PTPN22: variants seen among roughly 807,000 people sequenced by gnomAD.
The protein encoded by PTPN22 is protein tyrosine phosphatase non-receptor type 22, also known as tyrosine-protein phosphatase non-receptor type 22.
PTPN22 carries 85 observed loss-of-function variants against 103.3 expected under a neutral mutation model. The observed-to-expected ratio is 0.82, with a 90% CI of 0.69 to 0.99. The LOEUF is 0.99. Ranked by LOEUF, PTPN22 falls within the 50% of genes least tolerant of loss-of-function variation. PTPN22 has a pLI of 0.00. For missense variants in PTPN22, 865 were observed against 936.9 expected (o/e 0.92, Z 1.00); for synonymous variants, 323 against 310.2 (o/e 1.04, Z -0.43).
exon 11 of PTPN22, chr1:113,848,545 T>C: frequency 2.5e-6 from 4 of 1,613,044 alleles, no homozygotes; most frequent in Non-Finnish European, 2.5e-6. Flanking sequence ...TTTACCTCTG[T>C]TCCAGAATGT....
intron 20 of PTPN22, among the ~76,000 whole-genome samples, chr1:113,816,698 C>T (rs1205744847): frequency 6.6e-6 from 1 of 151,566 alleles, no homozygotes; most frequent in African/African-American, 2.4e-5. Context: ...CACCTGAGGT[C>T]AGGAGTTCAA....
intron 18 of PTPN22, among the ~76,000 whole-genome samples, chr1:113,825,551 T>A (rs572251219): frequency 2.0e-3 from 309 of 152,056 alleles, no homozygotes; most frequent in Non-Finnish European, 3.8e-3. Flanking sequence ...GTAAAAAAAA[T>A]ATTAGCTGAA....
intron 1 of PTPN22, among the ~76,000 whole-genome samples, chr1:113,868,952 G>C (rs1666341299): frequency 6.6e-6 from 1 of 152,112 alleles, no homozygotes; most frequent in Non-Finnish European, 1.5e-5. Context: ...GGCTGGGCGT[G>C]GTGGCTCATG....
At chr1:113,846,653 G>T (rs534653374) in intron 11 of PTPN22, among the ~76,000 whole-genome samples, 38 of 152,208 alleles carry the variant, frequency 2.5e-4, no homozygotes, top group African/African-American at 8.7e-4. Context: ...ACTGGTAACA[G>T]ATTATCTTAG....
intron 13 of PTPN22, among the ~76,000 whole-genome samples, chr1:113,837,017 A>C (rs536092771): frequency 1.2e-3 from 189 of 152,306 alleles, no homozygotes; most frequent in African/African-American, 4.1e-3. Context: ...TCCTGCTGGT[A>C]CAGATCCTGT....
chr1:113,830,757 T>C (rs528792310), intron 16 of PTPN22, among the ~76,000 whole-genome samples: 1 of 152,308 alleles, frequency 6.6e-6, no homozygotes, highest in East Asian at 1.9e-4. Flanking sequence ...TTTCCCATGA[T>C]GTAAATTTCT....
chr1:113,864,483 G>A (rs760349827), intron 1 of PTPN22: 6 of 295,830 alleles, frequency 2.0e-5, no homozygotes, highest in East Asian at 1.2e-4. Flanking sequence ...ATTATTAGTC[G>A]GGCATGGTGG....
At chr1:113,856,321 C>A in intron 7 of PTPN22, 61 bp downstream of exon 7, 1 of 1,496,298 alleles carries the variant, frequency 6.7e-7, no homozygotes. Context: ...CTACACACAT[C>A]TATATTTACT....
chr1:113,870,711 T>C (rs950393135), intron 1 of PTPN22, among the ~76,000 whole-genome samples: 2 of 152,074 alleles, frequency 1.3e-5, no homozygotes, highest in African/African-American at 4.8e-5. Context: ...AATATATTTT[T>C]CATATGAAAA....
At chr1:113,868,098 T>A (rs1417902471) in intron 1 of PTPN22, among the ~76,000 whole-genome samples, 1 of 152,252 alleles carries the variant, frequency 6.6e-6, no homozygotes, top group African/African-American at 2.4e-5. Context: ...TTGGTATTTT[T>A]TTCAAATATT....
At chr1:113,858,205 A>G (rs1295188306) in intron 4 of PTPN22, among the ~76,000 whole-genome samples, 1 of 152,056 alleles carries the variant, frequency 6.6e-6, no homozygotes, top group Non-Finnish European at 1.5e-5. Context: ...CTACAGGCAC[A>G]CACCACCACT....
intron 20 of PTPN22, among the ~76,000 whole-genome samples, chr1:113,816,635 G>A (rs532247910): frequency 1.2e-4 from 18 of 151,938 alleles, no homozygotes; most frequent in Non-Finnish European, 2.1e-4. Context: ...GAAGCCAGGC[G>A]TGGTGGCTCA....
At chr1:113,825,033 G>A in intron 19 of PTPN22, 109 bp downstream of exon 19, 1 of 750,712 alleles carries the variant, frequency 1.3e-6, no homozygotes. Flanking sequence ...CCCTATGGAG[G>A]CTCTGTTTAG....
chr1:113,830,277 G>T (rs1207710144), intron 16 of PTPN22, among the ~76,000 whole-genome samples: 1 of 151,982 alleles, frequency 6.6e-6, no homozygotes, highest in Non-Finnish European at 1.5e-5. Context: ...CACTGAAACC[G>T]AATATAATCA....
At chr1:113,837,268 G>T (rs1196107347) in intron 13 of PTPN22, among the ~76,000 whole-genome samples, 1 of 151,888 alleles carries the variant, frequency 6.6e-6, no homozygotes, top group African/African-American at 2.4e-5. Context: ...TGGCCAACAT[G>T]GTGAAACTCC....
intron 10 of PTPN22, among the ~76,000 whole-genome samples, chr1:113,849,669 C>T (rs532465787): frequency 1.3e-5 from 2 of 151,556 alleles, no homozygotes; most frequent in African/African-American, 4.9e-5. Context: ...CTTACTGCAG[C>T]CTCGACCTCC....
At chr1:113,855,125 C>T in intron 7 of PTPN22, 76 bp from the exon 8 acceptor site, 1 of 1,312,328 alleles carries the variant, frequency 7.6e-7, no homozygotes, top group Non-Finnish European at 1.1e-6. Flanking sequence ...ATGCTCACTA[C>T]CTGGGTGATG....
intron 1 of PTPN22, among the ~76,000 whole-genome samples, chr1:113,867,433 G>A (rs896937172): frequency 6.6e-6 from 1 of 152,150 alleles, no homozygotes; most frequent in Non-Finnish European, 1.5e-5. Context: ...TCATTTGTAA[G>A]TCAGAAATGA....
chr1:113,838,203 T>C (rs757585684), exon 13 of PTPN22: 10 of 1,614,022 alleles, frequency 6.2e-6, no homozygotes, highest in Admixed American at 3.3e-5. Context: ...GAAATGCCTT[T>C]GTCTGCCATT....
Sources: allele counts gnomAD v4.1 joint callset (sites outside exome capture counted in the v4.1 genomes callset), GRCh38; gene constraint gnomAD v4.1.1; transcripts MANE v1.5; gene names NCBI Gene and HGNC (gene_info 2026-07-23, HGNC 2026-07-21).